WARS2: variants seen among roughly 807,000 people sequenced by gnomAD.
WARS2 encodes the protein tryptophan--tRNA ligase, mitochondrial.
In WARS2, 28 loss-of-function variants were observed where a neutral mutation model predicts 36.5. The observed-to-expected ratio is 0.77, with a 90% CI of 0.57 to 1.05. WARS2 has a LOEUF of 1.05. Ranked by LOEUF, WARS2 falls within the 50% of genes least tolerant of loss-of-function variation. The probability of loss-of-function intolerance (pLI) is 0.00; values close to 1 mark genes in which losing one functional copy is unlikely to be tolerated. For synonymous variants in WARS2, 174 were observed against 178.4 expected (o/e 0.98, Z 0.20); for missense variants, 435 against 456.8 (o/e 0.95, Z 0.44).
At chr1:119,068,204 G>A (rs551546539) in intron 2 of WARS2, among the ~76,000 whole-genome samples, 2 of 152,276 alleles carry the variant, frequency 1.3e-5, no homozygotes, top group Admixed American at 1.3e-4. Flanking sequence ...AACTTTGAGA[G>A]TTTAACAAAT....
At chr1:119,050,941 T>C (rs748138057) in intron 2 of WARS2, among the ~76,000 whole-genome samples, 3 of 152,126 alleles carry the variant, frequency 2.0e-5, no homozygotes, top group Non-Finnish European at 2.9e-5. Flanking sequence ...GTTTTTAATA[T>C]AAAAAAGTTG....
At chr1:119,088,469 A>ACACAC (rs1652826171) in intron 1 of WARS2, among the ~76,000 whole-genome samples, 1 of 114,520 alleles carries the variant, frequency 8.7e-6, no homozygotes, top group Non-Finnish European at 1.9e-5. Context: ...CACACACACA[A>ACACAC]ATAAAAGGAC....
intron 2 of WARS2, 142 bp from the exon 3 acceptor site, chr1:119,045,804 T>C: frequency 3.0e-6 from 2 of 658,726 alleles, no homozygotes; most frequent in Admixed American, 2.5e-5. Flanking sequence ...GGGGCTTAGT[T>C]CTGATTCATG....
intron 2 of WARS2, among the ~76,000 whole-genome samples, chr1:119,046,592 G>C (rs61808863): frequency 6.7e-6 from 1 of 150,144 alleles, no homozygotes; most frequent in South Asian, 2.1e-4. Context: ...TCCTGACCTC[G>C]TGATCCACCC....
intron 4 of WARS2, among the ~76,000 whole-genome samples, chr1:119,035,342 A>G (rs988377341): frequency 6.6e-5 from 10 of 152,134 alleles, no homozygotes; most frequent in Non-Finnish European, 1.3e-4. Context: ...CTCCTGTGAA[A>G]AAAGCAGCGA....
chr1:119,042,431 T>C, intron 3 of WARS2, 82 bp from the exon 4 acceptor site: 1 of 1,340,518 alleles, frequency 7.5e-7, no homozygotes, highest in African/African-American at 1.4e-5. Context: ...AAGAAAATTT[T>C]AAAACAAGCA....
At chr1:119,078,827 T>C (rs1345615102) in intron 1 of WARS2, among the ~76,000 whole-genome samples, 1 of 152,158 alleles carries the variant, frequency 6.6e-6, no homozygotes, top group Non-Finnish European at 1.5e-5. Flanking sequence ...GAATCAGATA[T>C]ATAACTTCTG....
At position 119,042,272 on chromosome 1, in the gene WARS2, C is replaced by G; in HGVS notation, c.507G>C (p.Leu169=). 3 of 1,613,910 alleles carry G rather than the reference C, an allele frequency of 1.9e-6. No homozygotes were observed. Among genetic ancestry groups the G allele is most frequent in the East Asian group, 2.2e-5 (1 of 44,864 alleles). The part of the protein sequence containing the change: ...TYPVLQAADI[L]LYKSTHVPVG... ...CTGAACTCTCTTCTTACTTGTACAA[C>G]AGAATGTCGGCTGCCTGGAGTACTG... The change falls in exon 4 of 6, where the codon CTG becomes CTC. Residue 169 remains leucine (L), a synonymous_variant. Coordinates refer to ENST00000235521, the MANE Select transcript of WARS2 (RefSeq NM_015836.4).
intron 1 of WARS2, among the ~76,000 whole-genome samples, chr1:119,125,074 C>T (rs887324637): frequency 2.0e-5 from 3 of 152,188 alleles, no homozygotes; most frequent in Non-Finnish European, 2.9e-5. Flanking sequence ...AGAAAAGTAT[C>T]CAACACATAG....
At chr1:119,044,564 C>CTAGG (rs1179488268) in intron 3 of WARS2, among the ~76,000 whole-genome samples, 8 of 152,212 alleles carry the variant, frequency 5.3e-5, no homozygotes, top group Admixed American at 5.2e-4. Context: ...AAATACCCAG[C>CTAGG]TAGGTGGCTT....
chr1:119,054,166 T>A (rs930368200), intron 2 of WARS2, among the ~76,000 whole-genome samples: 1 of 151,278 alleles, frequency 6.6e-6, no homozygotes, highest in African/African-American at 2.4e-5. Context: ...ACATTTTAAA[T>A]AAAGGACTCC....
At chr1:119,044,259 C>A (rs1268060526) in intron 3 of WARS2, among the ~76,000 whole-genome samples, 1 of 152,132 alleles carries the variant, frequency 6.6e-6, no homozygotes, top group Non-Finnish European at 1.5e-5. Context: ...AATGGAAAGG[C>A]TTTTCCAGAA....
At chr1:119,072,982 C>G (rs1651442118) in intron 2 of WARS2, among the ~76,000 whole-genome samples, 1 of 151,730 alleles carries the variant, frequency 6.6e-6, no homozygotes, top group African/African-American at 2.4e-5. Context: ...TTGTGAGACC[C>G]CATCTCTCCA....
intron 2 of WARS2, among the ~76,000 whole-genome samples, chr1:119,046,228 T>C (rs1481054958): frequency 2.0e-5 from 3 of 151,912 alleles, no homozygotes; most frequent in Non-Finnish European, 4.4e-5. Flanking sequence ...AAGGTATTTT[T>C]ATAGTTTCTA....
intron 1 of WARS2, among the ~76,000 whole-genome samples, chr1:119,089,054 A>G (rs1393170045): frequency 6.6e-6 from 1 of 152,226 alleles, no homozygotes; most frequent in Non-Finnish European, 1.5e-5. Flanking sequence ...TAATTCTTAT[A>G]TATAATGTAT....
intron 1 of WARS2, chr1:119,086,048 C>A (rs967415062): frequency 7.5e-7 from 1 of 1,330,876 alleles, no homozygotes; most frequent in Admixed American, 2.1e-5. Context: ...CTCGTAGAGG[C>A]AAGGTCTTGC....
chr1:119,037,462 C>T (rs1034277717), intron 4 of WARS2, among the ~76,000 whole-genome samples: 2 of 152,164 alleles, frequency 1.3e-5, no homozygotes, highest in Non-Finnish European at 2.9e-5. Context: ...CTGCCTTTAA[C>T]CAGCCCGGCT....
Position 119,033,254 on chromosome 1 carries a change from A to G in WARS2, c.740T>C (p.Ile247Thr). ...TVRITDSPEE[I>T]VQKFRKAVTD... Reference sequence around the variant, plus strand: ...CACAGCCTTGCGGAATTTCTGCACTATCTCCTCTGGGCTGTCTGTTATTCG... The same window carrying G: ...CACAGCCTTGCGGAATTTCTGCACTGTCTCCTCTGGGCTGTCTGTTATTCG... The change falls in exon 6 of 6, where the codon ATA becomes ACA. Residue 247 changes from isoleucine to threonine, a missense_variant. By Grantham distance (89) the Ile-to-Thr change is moderately conservative. Transcript: ENST00000235521. 4 of 1,614,216 alleles carry G rather than the reference A, an allele frequency of 2.5e-6. No homozygotes were observed. The highest frequency in any genetic ancestry group is 3.4e-6 in the Non-Finnish European group (4 of 1,180,046).
chr1:119,076,807 T>A (rs587734863), intron 1 of WARS2, among the ~76,000 whole-genome samples, 200 bp from the exon 2 acceptor site: 6 of 152,206 alleles, frequency 3.9e-5, no homozygotes, highest in African/African-American at 1.2e-4. Context: ...ATTAAAAATG[T>A]TTTTGCACTC....
Sources: gnomAD v4.1 joint callset for allele counts (sites outside exome capture counted in the v4.1 genomes callset) on GRCh38, gnomAD v4.1.1 for gene constraint, MANE v1.5 for transcripts, NCBI Gene and HGNC (gene_info 2026-07-23, HGNC 2026-07-21) for gene names.